The following AGBL1 variants were observed in gnomAD, a reference collection of about 807,000 sequenced individuals.
AGBL1 encodes AGBL carboxypeptidase 1.
In AGBL1, 130 loss-of-function variants were observed where a neutral mutation model predicts 118.9. The ratio of observed to expected loss-of-function variants is 1.09; its 90% CI spans 0.95 to 1.26. The LOEUF (loss-of-function observed/expected upper bound fraction) is 1.26. Among genes scored for constraint, AGBL1 ranks in the 50% most tolerant of loss-of-function variants. AGBL1 has a pLI of 0.00. For synonymous variants in AGBL1, 555 were observed against 478.9 expected (o/e 1.16, Z -2.08); for missense variants, 1,584 against 1,298.1 (o/e 1.22, Z -3.38).
chr15:86,113,212 T>TTTTTC (rs144582554), intron 1 of AGBL1, among the ~76,000 whole-genome samples: 11,702 of 121,876 alleles, frequency 0.096, 742 homozygotes, highest in East Asian at 0.16. Flanking sequence ...TTTCTTTTTC[T>TTTTTC]TTTTCTTTTC....
intron 21 of AGBL1, among the ~76,000 whole-genome samples, chr15:86,560,636 A>T (rs144002653): frequency 2.1e-4 from 32 of 152,296 alleles, no homozygotes; most frequent in African/African-American, 2.6e-4. Context: ...AGGATTTATA[A>T]TCCTTTGGTT....
chr15:86,391,381 CATTTT>C (rs1567232588), intron 17 of AGBL1, among the ~76,000 whole-genome samples: 1 of 151,970 alleles, frequency 6.6e-6, no homozygotes, highest in Non-Finnish European at 1.5e-5. Flanking sequence ...AAATTTTTCT[CATTTT>C]ATTTTTTTTC....
intron 22 of AGBL1, among the ~76,000 whole-genome samples, chr15:86,762,426 G>A (rs1161367037): frequency 6.6e-6 from 1 of 151,962 alleles, no homozygotes; most frequent in African/African-American, 2.4e-5. Flanking sequence ...CTAACAAGTT[G>A]AATCCAAATG....
At chr15:86,956,275 A>G (rs2080930720) in intron 23 of AGBL1, among the ~76,000 whole-genome samples, 1 of 151,894 alleles carries the variant, frequency 6.6e-6, no homozygotes, top group South Asian at 2.1e-4. Flanking sequence ...GATAGATGAT[A>G]GAGATGATGG....
chr15:86,942,909 A>G (rs1461019613), intron 23 of AGBL1, among the ~76,000 whole-genome samples: 2 of 152,182 alleles, frequency 1.3e-5, no homozygotes, highest in East Asian at 1.9e-4. Flanking sequence ...TAAATTTTGT[A>G]TTATTTCCTT....
intron 22 of AGBL1, among the ~76,000 whole-genome samples, chr15:86,750,886 T>C (rs899644655): frequency 6.6e-6 from 1 of 152,062 alleles, no homozygotes; most frequent in African/African-American, 2.4e-5. Flanking sequence ...CAAGGACATG[T>C]GATATTTGGT....
chr15:86,281,849 C>G (rs1206156769), intron 16 of AGBL1, among the ~76,000 whole-genome samples: 1 of 152,176 alleles, frequency 6.6e-6, no homozygotes, highest in Non-Finnish European at 1.5e-5. Context: ...ATGTAGTCAT[C>G]ATTGTGTGAT....
At chr15:86,774,003 A>G (rs1010291962) in intron 22 of AGBL1, among the ~76,000 whole-genome samples, 30 of 152,186 alleles carry the variant, frequency 2.0e-4, no homozygotes, top group African/African-American at 5.5e-4. Context: ...GCAAGCCCCA[A>G]TGACCCACAT....
At chr15:87,024,401 A>C (rs1248943746) in intron 24 of AGBL1, among the ~76,000 whole-genome samples, 1 of 152,090 alleles carries the variant, frequency 6.6e-6, no homozygotes, top group Non-Finnish European at 1.5e-5. Flanking sequence ...ACTCCTGGAA[A>C]GATACAACTC....
At chr15:86,617,460 T>G (rs1351772876) in intron 21 of AGBL1, among the ~76,000 whole-genome samples, 2 of 152,142 alleles carry the variant, frequency 1.3e-5, no homozygotes, top group African/African-American at 4.8e-5. Flanking sequence ...AGTACAGAAT[T>G]GAGCATGAAA....
chr15:87,018,692 A>G (rs2081632008), intron 24 of AGBL1, among the ~76,000 whole-genome samples: 1 of 152,078 alleles, frequency 6.6e-6, no homozygotes, highest in African/African-American at 2.4e-5. Flanking sequence ...CAGTGACACT[A>G]TGAAGCAACC....
At chr15:86,942,134 C>A (rs914668523) in intron 23 of AGBL1, among the ~76,000 whole-genome samples, 1 of 152,298 alleles carries the variant, frequency 6.6e-6, no homozygotes, top group Non-Finnish European at 1.5e-5. Flanking sequence ...TGTAAACCTA[C>A]ACACACAAAC....
intron 20 of AGBL1, among the ~76,000 whole-genome samples, chr15:86,549,377 C>G (rs1381701838): frequency 1.3e-5 from 2 of 152,134 alleles, no homozygotes; most frequent in Non-Finnish European, 2.9e-5. Context: ...TATTGTATAA[C>G]CACTAGGCCA....
At chr15:86,977,289 C>T (rs2081185170) in intron 23 of AGBL1, among the ~76,000 whole-genome samples, 1 of 151,680 alleles carries the variant, frequency 6.6e-6, no homozygotes, top group Non-Finnish European at 1.5e-5. Context: ...ATTTTGTATG[C>T]AGTTTTAGCG....
intron 18 of AGBL1, among the ~76,000 whole-genome samples, chr15:86,466,539 C>T (rs1330660196): frequency 6.6e-6 from 1 of 152,212 alleles, no homozygotes; most frequent in Non-Finnish European, 1.5e-5. Context: ...CCCTTGCTGG[C>T]AAGGAGTTGT....
At chr15:86,887,140 CAA>C (rs1004629544) in intron 22 of AGBL1, among the ~76,000 whole-genome samples, 1 of 152,070 alleles carries the variant, frequency 6.6e-6, no homozygotes, top group African/African-American at 2.4e-5. Flanking sequence ...TTTATTAAAA[CAA>C]ATAGAAATAA....
chr15:86,461,975 A>G (rs1157116561), intron 18 of AGBL1, among the ~76,000 whole-genome samples: 1 of 152,146 alleles, frequency 6.6e-6, no homozygotes, highest in Admixed American at 6.5e-5. Context: ...TCCCTGCCTC[A>G]CGCAGCCCAT....
At chr15:86,592,908 T>G (rs1044538759) in intron 21 of AGBL1, among the ~76,000 whole-genome samples, 1 of 152,202 alleles carries the variant, frequency 6.6e-6, no homozygotes, top group African/African-American at 2.4e-5. Context: ...TGCTTATATC[T>G]GCCTAGCTAC....
intron 1 of AGBL1, chr15:86,088,375 G>A (rs1895803100): frequency 6.6e-6 from 1 of 152,246 alleles, no homozygotes; most frequent in South Asian, 2.1e-4. Flanking sequence ...CCATGCCTCT[G>A]GGTGCAAGTC....
Sources: allele counts gnomAD v4.1 joint callset (sites outside exome capture counted in the v4.1 genomes callset), GRCh38; gene constraint gnomAD v4.1.1; transcripts MANE v1.5; gene names NCBI Gene and HGNC (gene_info 2026-07-23, HGNC 2026-07-21).